FHIT: variants seen among roughly 807,000 people sequenced by gnomAD.
FHIT encodes the protein fragile histidine triad diadenosine triphosphatase.
FHIT carries 19 observed loss-of-function variants against 17.9 expected under a neutral mutation model. That is an observed-to-expected ratio of 1.06 (90% confidence interval 0.74 to 1.56). FHIT has a LOEUF of 1.56. FHIT is among the 40% of genes most tolerant of loss of function. FHIT has a pLI of 0.00. For synonymous variants in FHIT, 81 were observed against 69.7 expected (o/e 1.16, Z -0.81); for missense variants, 248 against 189.2 (o/e 1.31, Z -1.82).
chr3:60,476,418 TG>T (rs2033346496), intron 5 of FHIT, among the ~76,000 whole-genome samples: 1 of 152,182 alleles, frequency 6.6e-6, no homozygotes, highest in African/African-American at 2.4e-5. Context: ...AAACTTTATT[TG>T]AAAAAGTAAC....
intron 5 of FHIT, among the ~76,000 whole-genome samples, chr3:60,140,916 A>C (rs1229874528): frequency 6.6e-6 from 1 of 152,062 alleles, no homozygotes; most frequent in Non-Finnish European, 1.5e-5. Flanking sequence ...GAGTACTCGG[A>C]TCTAGGGTGT....
At chr3:60,829,361 T>C (rs1213882049) in intron 3 of FHIT, among the ~76,000 whole-genome samples, 1 of 152,230 alleles carries the variant, frequency 6.6e-6, no homozygotes, top group Non-Finnish European at 1.5e-5. Context: ...GAATGTTACA[T>C]ATGCCAAATA....
rs538973165 is a variant in FHIT at position 60,013,545 on chromosome 3, G to C, written c.249+462C>G. Reference sequence around the variant, plus strand: ...GGTCAGTGGGCCACACCCAACCAGTGAATCTAGCTTCTAACTAATCTGTGA... The same window carrying C: ...GGTCAGTGGGCCACACCCAACCAGTCAATCTAGCTTCTAACTAATCTGTGA... On this transcript the variant is annotated intron_variant, in intron 6 of 9. Transcript: ENST00000492590. Among the ~76,000 whole-genome samples the C allele has an allele frequency of 7.0e-4, 106 of 152,146 alleles. 1 individual carries two copies. The highest frequency in any genetic ancestry group is 1.0e-3 in the Non-Finnish European group (69 of 68,030).
At chr3:60,155,772 G>T (rs184809138) in intron 5 of FHIT, among the ~76,000 whole-genome samples, 7 of 152,216 alleles carry the variant, frequency 4.6e-5, no homozygotes, top group Admixed American at 1.3e-4. Context: ...TGTGATTTGT[G>T]GAGAATCGCA....
chr3:59,773,759 T>G (rs1039430116), intron 8 of FHIT, among the ~76,000 whole-genome samples: 33 of 152,020 alleles, frequency 2.2e-4, no homozygotes, highest in Non-Finnish European at 4.4e-4. Context: ...AAGCAGAACA[T>G]AAGGCCCCAT....
intron 5 of FHIT, among the ~76,000 whole-genome samples, chr3:60,503,073 AG>A (rs2107527336): frequency 6.6e-6 from 1 of 152,334 alleles, no homozygotes; most frequent in South Asian, 2.1e-4. Flanking sequence ...TGTCAGAATC[AG>A]AAAAACATGT....
chr3:60,271,489 T>C (rs1706865096), intron 5 of FHIT, among the ~76,000 whole-genome samples: 1 of 152,208 alleles, frequency 6.6e-6, no homozygotes, highest in Non-Finnish European at 1.5e-5. Context: ...TGTTATTCCC[T>C]ATTAGCATCT....
At chr3:60,831,792 C>G (rs745765718) in intron 3 of FHIT, among the ~76,000 whole-genome samples, 1 of 152,090 alleles carries the variant, frequency 6.6e-6, no homozygotes, top group South Asian at 2.1e-4. Context: ...GATTCAAACA[C>G]GATTTTTTTG....
At chr3:60,420,857 T>G (rs931308450) in intron 5 of FHIT, among the ~76,000 whole-genome samples, 2 of 152,172 alleles carry the variant, frequency 1.3e-5, no homozygotes. Flanking sequence ...GGAAAATACA[T>G]GCTTTCATAC....
chr3:60,259,223 A>G (rs976759382), intron 5 of FHIT, among the ~76,000 whole-genome samples: 1 of 152,140 alleles, frequency 6.6e-6, no homozygotes, highest in Non-Finnish European at 1.5e-5. Context: ...GACCTTTCCT[A>G]TCACCCTTAA....
intron 5 of FHIT, among the ~76,000 whole-genome samples, chr3:60,445,173 G>C (rs543285321): frequency 1.3e-5 from 2 of 151,960 alleles, no homozygotes; most frequent in African/African-American, 4.8e-5. Flanking sequence ...CAGTTTCCCC[G>C]GCCCTATCTC....
intron 2 of FHIT, among the ~76,000 whole-genome samples, chr3:61,073,894 C>T (rs1196688620): frequency 6.6e-6 from 1 of 152,138 alleles, no homozygotes; most frequent in Non-Finnish European, 1.5e-5. Flanking sequence ...TCTTCATTAC[C>T]TCCTTGAATA....
chr3:60,922,993 G>A (rs887505705), intron 3 of FHIT, among the ~76,000 whole-genome samples: 15 of 152,140 alleles, frequency 9.9e-5, no homozygotes, highest in African/African-American at 2.7e-4. Context: ...AAGCAAATAC[G>A]CAGTAAACAT....
intron 3 of FHIT, among the ~76,000 whole-genome samples, chr3:60,930,733 G>A (rs1414074100): frequency 6.6e-6 from 1 of 152,172 alleles, no homozygotes; most frequent in African/African-American, 2.4e-5. Flanking sequence ...TGGAGAGGAT[G>A]TGGAGAAATA....
At chr3:60,295,652 G>A (rs992819354) in intron 5 of FHIT, among the ~76,000 whole-genome samples, 5 of 152,094 alleles carry the variant, frequency 3.3e-5, no homozygotes, top group Non-Finnish European at 5.9e-5. Context: ...ATTTTGACGT[G>A]AGGATTGGAG....
At chr3:59,970,375 G>T (rs1708120544) in intron 7 of FHIT, among the ~76,000 whole-genome samples, 1 of 152,106 alleles carries the variant, frequency 6.6e-6, no homozygotes, top group Non-Finnish European at 1.5e-5. Flanking sequence ...CATCCCAACA[G>T]ATGTTTATTG....
intron 5 of FHIT, among the ~76,000 whole-genome samples, chr3:60,036,213 A>G (rs1276529312): frequency 6.6e-6 from 1 of 152,112 alleles, no homozygotes; most frequent in Non-Finnish European, 1.5e-5. Context: ...ACCATCAATG[A>G]CTCCCTATCT....
At chr3:60,306,857 G>A (rs966866135) in intron 5 of FHIT, among the ~76,000 whole-genome samples, 2 of 152,202 alleles carry the variant, frequency 1.3e-5, no homozygotes, top group South Asian at 2.1e-4. Flanking sequence ...CAGTCATATC[G>A]TTTGAATTAT....
At chr3:60,154,240 A>G (rs1490318100) in intron 5 of FHIT, among the ~76,000 whole-genome samples, 3 of 152,130 alleles carry the variant, frequency 2.0e-5, no homozygotes, top group African/African-American at 4.8e-5. Context: ...AAAAATTACA[A>G]CCTCCGGCAT....
Sources: allele counts gnomAD v4.1 joint callset (sites outside exome capture counted in the v4.1 genomes callset), GRCh38; gene constraint gnomAD v4.1.1; transcripts MANE v1.5; gene names NCBI Gene and HGNC (gene_info 2026-07-23, HGNC 2026-07-21).